The following PRDM11 variants were observed in gnomAD, a reference collection of about 807,000 sequenced individuals.
PRDM11 encodes the protein PR domain-containing protein 11.
In PRDM11, 20 loss-of-function variants were observed where a neutral mutation model predicts 97.8. The ratio of observed to expected loss-of-function variants is 0.20; its 90% CI spans 0.14 to 0.30. The LOEUF (loss-of-function observed/expected upper bound fraction) is 0.30. Ranked by LOEUF, PRDM11 falls within the 10% of genes least tolerant of loss-of-function variation. The pLI is 1.00. For synonymous variants in PRDM11, 599 were observed against 637.7 expected, an observed-to-expected ratio of 0.94 and a Z score of 0.91; for missense variants, 1,139 against 1,555.2, an observed-to-expected ratio of 0.73 and a Z score of 4.50.
At chr11:45,150,530 C>T (rs1565266670) in intron 1 of PRDM11, among the ~76,000 whole-genome samples, 1 of 152,170 alleles carries the variant, frequency 6.6e-6, no homozygotes, top group Non-Finnish European at 1.5e-5. Flanking sequence ...CCCTGAGCTG[C>T]GGGCTGGTGG....
chr11:45,158,370 C>T (rs1011739365), intron 1 of PRDM11, among the ~76,000 whole-genome samples: 4 of 152,222 alleles, frequency 2.6e-5, no homozygotes, highest in Non-Finnish European at 4.4e-5. Flanking sequence ...CAGCCCCTGC[C>T]TCCCTCCCTG....
chr11:45,151,848 T>C (rs921303647), intron 1 of PRDM11, among the ~76,000 whole-genome samples: 1 of 152,038 alleles, frequency 6.6e-6, no homozygotes, highest in Admixed American at 6.6e-5. Flanking sequence ...CTGGGGAGGC[T>C]TGAGTAGTTC....
At chr11:45,142,881 T>C (rs1159894234), upstream of PRDM11, among the ~76,000 whole-genome samples, 1 of 152,212 alleles carries the variant, frequency 6.6e-6, no homozygotes, top group Non-Finnish European at 1.5e-5. Context: ...ATTTAAAGCA[T>C]TTATCTCTTA....
At chr11:45,109,203 T>C (rs1423677582) in intron 1 of PRDM11, among the ~76,000 whole-genome samples, 1 of 152,214 alleles carries the variant, frequency 6.6e-6, no homozygotes, top group Non-Finnish European at 1.5e-5. Flanking sequence ...GAAACTGCAG[T>C]TGGCCCTGAC....
In PRDM11 at chr11:45,234,483, A is replaced by T. The variant is rs959401892; in HGVS notation, c.*6324A>T. On this transcript the variant is annotated 3_prime_UTR_variant, in exon 8 of 8. Coordinates refer to ENST00000683152, the MANE Select transcript of PRDM11 (RefSeq NM_001384648.1). The stretch of plus-strand genomic sequence containing the variant: ...CTCCTTGAGCCACAGTTAGCTGCCA[A>T]CTGGGTCTTGGGACACCCTCCAGTA... The T allele has an allele frequency of 6.6e-6, 1 of 152,342 alleles. No individual in the cohort carries two copies. Among genetic ancestry groups the T allele is most frequent in the Non-Finnish European group, 1.5e-5 (1 of 68,220 alleles). 9.4% of individuals were successfully genotyped at this position (152,342 alleles called of 1,614,324 possible). A position where few individuals can be genotyped will look rare whatever the true frequency, so the allele number is the denominator to read the frequency against.
chr11:45,126,188 G>T (rs920252255), intron 1 of PRDM11, among the ~76,000 whole-genome samples: 23 of 151,966 alleles, frequency 1.5e-4, no homozygotes, highest in Middle Eastern at 3.4e-3. Context: ...CCATTTGCTT[G>T]GTAGATCTTC....
In PRDM11 at chr11:45,227,798, T is replaced by G; in HGVS notation, c.3173T>G (p.Ile1058Ser). The change falls in exon 8 of 8, where the codon ATC (isoleucine) becomes AGC (serine). Residue 1058 changes from isoleucine (I) to serine (S), a missense_variant. This residue lies in a region of PRDM11 where 710 missense variants were observed against 1,044.9 expected (regional missense o/e 0.68). Coordinates refer to ENST00000683152, the MANE Select transcript of PRDM11 (RefSeq NM_001384648.1). This position sits in a 1 kb window ranked among gnomAD's most constrained non-coding sequence, Gnocchi z 8.0. ...YYTKNGFKDL[I>S]SHICKYKQRF... Reference sequence around the variant, plus strand: ...ACCAAAAATGGCTTCAAAGACCTGATCAGCCACATTTGCAAGTACAAACAG... The same window carrying G: ...ACCAAAAATGGCTTCAAAGACCTGAGCAGCCACATTTGCAAGTACAAACAG... 6.5e-7 allele frequency: 1 copy of G among 1,533,938 alleles called. No individual in the cohort carries two copies. The highest frequency in any genetic ancestry group is 2.3e-4 in the Middle Eastern group (1 of 4,358).
Position 45,232,817 on chromosome 11 carries a change from C to T in PRDM11, c.*4658C>T, listed in dbSNP as rs549213343. On this transcript the variant is annotated 3_prime_UTR_variant, in exon 8 of 8. Transcript: ENST00000683152. ...ATGGTGCTGTGATATTTTTAAGGAG[C>T]CTTTCAGGCAATGTTTGCATGTTAG... The T allele has an allele frequency of 6.6e-6, 1 of 152,144 alleles. No individual in the cohort carries two copies. Among genetic ancestry groups the T allele is most frequent in the African/African-American group, 2.4e-5 (1 of 41,424 alleles). 9.4% of individuals were successfully genotyped at this position (152,144 alleles called of 1,614,324 possible).
In PRDM11 at chr11:45,188,351, A is replaced by G. The variant is rs1590420832; in HGVS notation, c.486+5228A>G. Among the ~76,000 whole-genome samples, 2 of 152,292 alleles carry G rather than the reference A, an allele frequency of 1.3e-5. 1 individual carries two copies. Among genetic ancestry groups the G allele is most frequent in the South Asian group, 4.1e-4 (2 of 4,822 alleles). On this transcript the variant is annotated intron_variant, in intron 4 of 7. Coordinates refer to ENST00000683152, the MANE Select transcript of PRDM11 (RefSeq NM_001384648.1). ...TGGAGAGGATGAGTCATTCTGCACA[A>G]AGCTAAACAGCTGGTGAGTCACTGA...
rs1455004714 is a variant in PRDM11, at chr11:45,226,014, C to T, written c.1389C>T (p.Ser463=). Residue 463 remains serine (S), a synonymous_variant, in exon 8 of 8, where the codon TCC becomes TCT. Coordinates refer to ENST00000683152, the MANE Select transcript of PRDM11 (RefSeq NM_001384648.1). The part of the protein sequence containing the change: ...SDPAASESMV[S]GPAIMEDDDQ... ...TTTCAGCCTCAGAAAGCATGGTCTC[C>T]GGCCCCGCCATCATGGAGGATGATG... The T allele has an allele frequency of 1.0e-5, 15 of 1,505,366 alleles. No individual in the cohort carries two copies. Among genetic ancestry groups the T allele is most frequent in the East Asian group, 1.0e-4 (4 of 40,182 alleles). 93.3% of individuals were successfully genotyped at this position (1,505,366 alleles called of 1,614,324 possible). A position where few individuals can be genotyped will look rare whatever the true frequency, so the allele number is the denominator to read the frequency against.
intron 1 of PRDM11, among the ~76,000 whole-genome samples, chr11:45,102,631 T>C (rs967420788): frequency 1.3e-5 from 2 of 151,340 alleles, no homozygotes; most frequent in Non-Finnish European, 3.0e-5. Flanking sequence ...CAGCCCCCCT[T>C]GCACCGTGCC....
At chr11:45,113,788 T>TTGTGTGTGTG (rs142584346) in intron 1 of PRDM11, among the ~76,000 whole-genome samples, 3 of 137,200 alleles carry the variant, frequency 2.2e-5, no homozygotes, top group African/African-American at 5.4e-5. Context: ...TGCTACTGAT[T>TTGTGTGTGTG]TGTGTGTGTG....
chr11:45,147,575 C>T (rs1326131163), intron 1 of PRDM11: 1 of 152,648 alleles, frequency 6.6e-6, no homozygotes, highest in African/African-American at 2.4e-5. Context: ...CACTCGCAGT[C>T]CCCAAGGTAC....
Position 45,219,430 on chromosome 11 carries a change from A to C in PRDM11, c.555-140A>C. The C allele has an allele frequency of 1.3e-6, 1 of 780,860 alleles. No homozygotes were observed. The highest frequency in any genetic ancestry group is 2.0e-6 in the Non-Finnish European group (1 of 494,488). The allele number at this position is 780,860 out of a possible 1,614,324, so 48.4% of individuals were successfully genotyped here. A position where few individuals can be genotyped will look rare whatever the true frequency, so the allele number is the denominator to read the frequency against. Reference sequence around the variant, plus strand: ...CTGGTGCTGCTTCTCCGGACAGGGCAGCTGCTCTGCTGATGTTCACATGGG... The same window carrying C: ...CTGGTGCTGCTTCTCCGGACAGGGCCGCTGCTCTGCTGATGTTCACATGGG... On this transcript the variant is annotated intron_variant, in intron 5 of 7. Coordinates refer to ENST00000683152, the MANE Select transcript of PRDM11 (RefSeq NM_001384648.1). This position sits in a 1 kb window ranked among gnomAD's most constrained non-coding sequence, Gnocchi z 4.2.
intron 1 of PRDM11, among the ~76,000 whole-genome samples, chr11:45,127,049 T>A (rs1852591445): frequency 6.6e-6 from 1 of 152,206 alleles, no homozygotes; most frequent in Admixed American, 6.5e-5. Context: ...TTTATTCTTT[T>A]TTCTCTAAAC....
intron 6 of PRDM11, among the ~76,000 whole-genome samples, chr11:45,221,816 G>C (rs1854128594): frequency 6.6e-6 from 1 of 152,228 alleles, no homozygotes; most frequent in Admixed American, 6.5e-5. Context: ...GAAGCCCTTG[G>C]GAATGGTCAT....
chr11:45,141,629 G>A (rs1851405388), intron 1 of PRDM11, among the ~76,000 whole-genome samples: 1 of 152,156 alleles, frequency 6.6e-6, no homozygotes, highest in African/African-American at 2.4e-5. Context: ...ACCTGATGTG[G>A]TAAAGACATT....
At chr11:45,162,676 C>T (rs573203539) in intron 1 of PRDM11, among the ~76,000 whole-genome samples, 14 of 152,294 alleles carry the variant, frequency 9.2e-5, no homozygotes, top group African/African-American at 3.1e-4. Flanking sequence ...AGTTAAGTGG[C>T]TTCCCAAGAT....
upstream of PRDM11, chr11:45,095,761 T>A (rs1851880000): frequency 1.4e-6 from 1 of 704,934 alleles, no homozygotes; most frequent in Non-Finnish European, 2.6e-6. Flanking sequence ...GCAGATACGA[T>A]GGCTACAGCT....
Sources: allele counts gnomAD v4.1 joint callset (sites outside exome capture counted in the v4.1 genomes callset), GRCh38; gene constraint gnomAD v4.1.1; regional missense constraint gnomAD v4.1.1; non-coding constraint Gnocchi (gnomAD v3.1); transcripts MANE v1.5; gene names NCBI Gene and HGNC (gene_info 2026-07-23, HGNC 2026-07-21).